The following NSMCE2 variants were observed in gnomAD, a reference collection of about 807,000 sequenced individuals.
The protein encoded by NSMCE2 is NSE2 SUMO ligase component of SMC5/6 complex.
In NSMCE2, 24 loss-of-function variants were observed where a neutral mutation model predicts 23.8. That is an observed-to-expected ratio of 1.01 (90% CI 0.73 to 1.42). NSMCE2 has a LOEUF of 1.42. Among genes scored for constraint, NSMCE2 ranks in the 40% most tolerant of loss-of-function variants. The pLI, the probability that NSMCE2 is intolerant of heterozygous loss-of-function variation, is 0.00. For missense variants in NSMCE2, 284 were observed against 296.5 expected (o/e 0.96, Z 0.31); for synonymous variants, 92 against 94.1 (o/e 0.98, Z 0.13).
chr8:125,298,700 T>TTG (rs1828431673), intron 5 of NSMCE2, among the ~76,000 whole-genome samples: 1 of 151,216 alleles, frequency 6.6e-6, no homozygotes, highest in African/African-American at 2.4e-5. Flanking sequence ...TTTTTTTGTT[T>TTG]TTTTTTTTTT....
At chr8:125,229,766 T>G (rs1300185572) in intron 5 of NSMCE2, among the ~76,000 whole-genome samples, 1 of 152,168 alleles carries the variant, frequency 6.6e-6, no homozygotes, top group Non-Finnish European at 1.5e-5. Flanking sequence ...ATATCTTTAG[T>G]TGATTGTTTT....
chr8:125,244,268 A>G (rs1825873218), intron 5 of NSMCE2, among the ~76,000 whole-genome samples: 1 of 152,172 alleles, frequency 6.6e-6, no homozygotes, highest in Admixed American at 6.5e-5. Flanking sequence ...CAGGATAAAG[A>G]AAGTTCAAAG....
chr8:125,149,557 T>C (rs1057461516), intron 3 of NSMCE2, among the ~76,000 whole-genome samples: 7 of 152,330 alleles, frequency 4.6e-5, no homozygotes, highest in African/African-American at 1.4e-4. Flanking sequence ...GAAATTTTTA[T>C]GTTCCTGTGT....
intron 5 of NSMCE2, among the ~76,000 whole-genome samples, chr8:125,223,612 T>G (rs1305563643): frequency 1.3e-5 from 2 of 152,180 alleles, no homozygotes; most frequent in African/African-American, 2.4e-5. Flanking sequence ...CAGGGTTGCC[T>G]TTTCTCCACA....
At chr8:125,212,224 C>T (rs1586618153) in intron 5 of NSMCE2, among the ~76,000 whole-genome samples, 1 of 152,044 alleles carries the variant, frequency 6.6e-6, no homozygotes, top group Admixed American at 6.6e-5. Flanking sequence ...GTTAGCAAGG[C>T]GAACACATAT....
At chr8:125,231,411 A>G (rs1825317667) in intron 5 of NSMCE2, among the ~76,000 whole-genome samples, 1 of 152,242 alleles carries the variant, frequency 6.6e-6, no homozygotes, top group African/African-American at 2.4e-5. Flanking sequence ...GGATTAAAGC[A>G]TCTGAAGACC....
intron 5 of NSMCE2, among the ~76,000 whole-genome samples, chr8:125,243,512 A>T (rs943049650): frequency 1.3e-5 from 2 of 150,440 alleles, no homozygotes; most frequent in South Asian, 4.2e-4. Flanking sequence ...AAAAAAAAAA[A>T]CCTCTAAATT....
chr8:125,319,354 T>A (rs2131261926), intron 5 of NSMCE2, among the ~76,000 whole-genome samples: 1 of 151,998 alleles, frequency 6.6e-6, no homozygotes, highest in Non-Finnish European at 1.5e-5. Context: ...AGCAGGAAAA[T>A]ACAACCCCTA....
chr8:125,128,671 G>T (rs1819620907), intron 3 of NSMCE2, among the ~76,000 whole-genome samples: 1 of 152,168 alleles, frequency 6.6e-6, no homozygotes, highest in South Asian at 2.1e-4. Flanking sequence ...GGCTCCAGGG[G>T]AAAATCATTG....
chr8:125,327,181 G>T (rs562483809), intron 5 of NSMCE2, among the ~76,000 whole-genome samples: 1 of 143,940 alleles, frequency 6.9e-6, no homozygotes, highest in African/African-American at 2.6e-5. Flanking sequence ...CAGGAGAATC[G>T]CTTGAACCTG....
At chr8:125,171,624 AT>A (rs1193107146) in intron 4 of NSMCE2, among the ~76,000 whole-genome samples, 1 of 152,228 alleles carries the variant, frequency 6.6e-6, no homozygotes, top group Non-Finnish European at 1.5e-5. Flanking sequence ...ACTGCTGCTA[AT>A]TCTGATCAGA....
At chr8:125,160,249 A>G (rs1165253454) in intron 4 of NSMCE2, among the ~76,000 whole-genome samples, 2 of 152,218 alleles carry the variant, frequency 1.3e-5, no homozygotes, top group Non-Finnish European at 1.5e-5. Flanking sequence ...GCATGAAAGC[A>G]CCTAAAACAG....
intron 5 of NSMCE2, among the ~76,000 whole-genome samples, chr8:125,196,530 ACTCAT>A (rs1203690154): frequency 1.3e-5 from 2 of 151,964 alleles, no homozygotes; most frequent in Non-Finnish European, 2.9e-5. Flanking sequence ...GAGGACATGA[ACTCAT>A]CCCTTTTATG....
At chr8:125,192,375 T>C (rs1461191042) in intron 5 of NSMCE2, among the ~76,000 whole-genome samples, 1 of 151,988 alleles carries the variant, frequency 6.6e-6, no homozygotes. Context: ...TTTGGCATCT[T>C]AGTGCGTGGT....
chr8:125,339,834 C>G (rs1264706183), intron 5 of NSMCE2, among the ~76,000 whole-genome samples: 2 of 152,106 alleles, frequency 1.3e-5, no homozygotes, highest in Non-Finnish European at 2.9e-5. Context: ...GTTTCCTTGT[C>G]TATTTCAACC....
rs56906621 is a variant in NSMCE2, at chr8:125,312,075, T to TAAA, written c.419-45128_419-45126dup. On this transcript the variant is annotated intron_variant, in intron 5 of 7. Transcript: ENST00000287437. ...AACAAGAGCAAAACTCCATCTCAAT[T>TAAA]AAAAAAAAAAAAAAAAAAGAAAGAA... Among the ~76,000 whole-genome samples, 597 of 99,386 alleles carry TAAA rather than the reference T, an allele frequency of 6.0e-3. 2 individuals carry two copies. Among genetic ancestry groups the TAAA allele is most frequent in the Middle Eastern group, 0.016 (3 of 182 alleles). The allele number at this position is 99,386 out of a possible 152,430, so 65.2% of individuals were successfully genotyped here. A position where few individuals can be genotyped will look rare whatever the true frequency, so the allele number is the denominator to read the frequency against.
chr8:125,303,788 C>T (rs745636789), intron 5 of NSMCE2, among the ~76,000 whole-genome samples: 1 of 152,190 alleles, frequency 6.6e-6, no homozygotes, highest in Non-Finnish European at 1.5e-5. Context: ...GAATGATTCC[C>T]TCAGTTGCTC....
At chr8:125,340,813 C>T (rs889142841) in intron 5 of NSMCE2, among the ~76,000 whole-genome samples, 13 of 152,174 alleles carry the variant, frequency 8.5e-5, no homozygotes, top group African/African-American at 2.9e-4. Context: ...TCATCTCTCC[C>T]TCACAAGGTC....
intron 5 of NSMCE2, among the ~76,000 whole-genome samples, chr8:125,290,281 A>G (rs1167069863): frequency 6.6e-6 from 1 of 152,220 alleles, no homozygotes; most frequent in Non-Finnish European, 1.5e-5. Flanking sequence ...CTGAAAGGAA[A>G]AGACACTAAT....
Sources: gnomAD v4.1 joint callset for allele counts (sites outside exome capture counted in the v4.1 genomes callset) on GRCh38, gnomAD v4.1.1 for gene constraint, MANE v1.5 for transcripts, NCBI Gene and HGNC (gene_info 2026-07-23, HGNC 2026-07-21) for gene names.